STXBP5L: variants seen among roughly 807,000 people sequenced by gnomAD.
STXBP5L encodes the protein syntaxin-binding protein 5-like.
In STXBP5L, 65 loss-of-function variants were observed where a neutral mutation model predicts 144.5. The observed-to-expected ratio is 0.45, with a 90% CI of 0.37 to 0.55. The LOEUF (loss-of-function observed/expected upper bound fraction) is 0.55. Ranked by LOEUF, STXBP5L falls within the 20% of genes least tolerant of loss-of-function variation. The pLI is 0.00. For synonymous variants in STXBP5L, 505 were observed against 469.6 expected (o/e 1.08, Z -0.97); for missense variants, 1,298 against 1,405.5 (o/e 0.92, Z 1.22).
intron 22 of STXBP5L, 70 bp downstream of exon 22, chr3:121,381,602 T>G: frequency 1.0e-5 from 16 of 1,551,794 alleles, no homozygotes; most frequent in Non-Finnish European, 1.4e-5. Context: ...ATTATAAACA[T>G]AAATTTGTAT....
At chr3:121,034,566 ATC>A (rs1946623185) in intron 3 of STXBP5L, among the ~76,000 whole-genome samples, 4 of 151,844 alleles carry the variant, frequency 2.6e-5, no homozygotes, top group African/African-American at 9.7e-5. Context: ...CCATCCATCC[ATC>A]CATCCATCTA....
Position 121,302,447 on chromosome 3 carries a change from A to G in STXBP5L, c.2111-16028A>G, listed in dbSNP as rs535217790. ...ATTCTTTTCTCTTTTCTTCTTTATTAGTCTTGCTAGCGGTCTATCAATATT... is the reference window on the plus strand; with the variant it reads ...ATTCTTTTCTCTTTTCTTCTTTATTGGTCTTGCTAGCGGTCTATCAATATT... On this transcript the variant is annotated intron_variant, in intron 19 of 26. Transcript: ENST00000471454. 2.4e-3 allele frequency among the ~76,000 whole-genome samples: 362 copies of G among 152,076 alleles called. 4 individuals carry two copies. In the Middle Eastern group the frequency reaches 0.031, roughly 13 times the overall value.
At chr3:120,977,563 A>T (rs1176847185) in intron 3 of STXBP5L, among the ~76,000 whole-genome samples, 22 of 152,086 alleles carry the variant, frequency 1.4e-4, no homozygotes, top group Admixed American at 1.4e-3. Flanking sequence ...TAATATTGTT[A>T]TGTGTGAATT....
At chr3:121,324,594 GA>G in intron 20 of STXBP5L, 2 of 676,026 alleles carry the variant, frequency 3.0e-6, no homozygotes, top group Non-Finnish European at 5.3e-6. Context: ...AGGTGAAGAT[GA>G]AAATCTCTTT....
intron 3 of STXBP5L, among the ~76,000 whole-genome samples, chr3:120,992,583 A>C (rs1943010180): frequency 1.3e-5 from 2 of 152,102 alleles, no homozygotes; most frequent in African/African-American, 4.8e-5. Flanking sequence ...GATTTTACTT[A>C]ACATGATGGA....
At chr3:121,206,954 T>A (rs533540230) in intron 10 of STXBP5L, among the ~76,000 whole-genome samples, 33 of 152,222 alleles carry the variant, frequency 2.2e-4, no homozygotes, top group Non-Finnish European at 3.5e-4. Flanking sequence ...TCAAATTAAA[T>A]AATCCTAGTT....
intron 22 of STXBP5L, among the ~76,000 whole-genome samples, chr3:121,387,184 T>C (rs1454046930): frequency 6.6e-6 from 1 of 152,244 alleles, no homozygotes; most frequent in Non-Finnish European, 1.5e-5. Flanking sequence ...CATGTGTCTG[T>C]TGCCTGCATA....
intron 5 of STXBP5L, among the ~76,000 whole-genome samples, chr3:121,111,942 G>T (rs1446979399): frequency 6.6e-6 from 1 of 152,092 alleles, no homozygotes; most frequent in East Asian, 1.9e-4. Flanking sequence ...TGAAATTCCT[G>T]CAGAGAGGCC....
intron 20 of STXBP5L, among the ~76,000 whole-genome samples, chr3:121,324,931 C>A (rs1460361171): frequency 6.6e-6 from 1 of 151,860 alleles, no homozygotes; most frequent in Non-Finnish European, 1.5e-5. Flanking sequence ...ATCTTAAGAT[C>A]CAAACAATAG....
intron 7 of STXBP5L, among the ~76,000 whole-genome samples, chr3:121,129,282 A>G (rs1559778808): frequency 6.6e-6 from 1 of 152,054 alleles, no homozygotes; most frequent in Non-Finnish European, 1.5e-5. Flanking sequence ...ATCTCCTGAA[A>G]CTGTCTTCCT....
chr3:121,201,841 C>T (rs2048151359), intron 9 of STXBP5L, among the ~76,000 whole-genome samples: 1 of 151,930 alleles, frequency 6.6e-6, no homozygotes, highest in Admixed American at 6.6e-5. Flanking sequence ...GAATATTGGC[C>T]CCCTCCTGGG....
chr3:121,339,537 A>C (rs571353352), intron 20 of STXBP5L, among the ~76,000 whole-genome samples: 3 of 152,184 alleles, frequency 2.0e-5, no homozygotes, highest in Non-Finnish European at 4.4e-5. Flanking sequence ...ACTTCTATTC[A>C]ATATAGTACT....
rs183689842 is a variant in STXBP5L at position 120,919,118 on chromosome 3, T to A, written c.189+9351T>A. 2.6e-5 allele frequency among the ~76,000 whole-genome samples: 4 copies of A among 152,214 alleles called. No individual in the cohort carries two copies. The East Asian group carries it at 7.7e-4, about 29-fold the overall frequency. ...GAAAAGTGTCATAAAAGACACAGTA[T>A]GTGTCAAAGTGAATAAAAGTGAGGT... On this transcript the variant is annotated intron_variant, in intron 2 of 26. Coordinates refer to ENST00000471454, the MANE Select transcript of STXBP5L (RefSeq NM_001308330.2).
intron 9 of STXBP5L, among the ~76,000 whole-genome samples, chr3:121,160,239 T>C (rs2046272070): frequency 6.6e-6 from 1 of 152,166 alleles, no homozygotes; most frequent in Non-Finnish European, 1.5e-5. Flanking sequence ...AAGTGCACGC[T>C]TCTCAGTTTA....
chr3:121,286,305 C>T (rs140555528), intron 19 of STXBP5L, among the ~76,000 whole-genome samples: 464 of 151,744 alleles, frequency 3.1e-3, no homozygotes, highest in Non-Finnish European at 4.9e-3. Flanking sequence ...TATTGTAAAA[C>T]GAACAGAAAG....
At chr3:121,218,065 C>G (rs1172766919) in intron 10 of STXBP5L, among the ~76,000 whole-genome samples, 1 of 139,376 alleles carries the variant, frequency 7.2e-6, no homozygotes, top group Non-Finnish European at 1.5e-5. Flanking sequence ...TATATATACA[C>G]TATATACAGT....
chr3:121,059,569 A>G (rs993036827), intron 5 of STXBP5L, among the ~76,000 whole-genome samples: 9 of 152,116 alleles, frequency 5.9e-5, no homozygotes, highest in Non-Finnish European at 1.3e-4. Flanking sequence ...TTTGGTCAGT[A>G]TGGCCATTTT....
intron 18 of STXBP5L, among the ~76,000 whole-genome samples, chr3:121,262,332 A>G (rs1353534177): frequency 6.6e-6 from 1 of 152,218 alleles, no homozygotes. Context: ...TCAAAGTCTC[A>G]TCAAAATATC....
intron 3 of STXBP5L, among the ~76,000 whole-genome samples, chr3:120,975,101 G>A (rs987645232): frequency 6.6e-6 from 1 of 152,142 alleles, no homozygotes; most frequent in Non-Finnish European, 1.5e-5. Context: ...TAGTTTGATG[G>A]GGATGGCATT....
Sources: allele counts gnomAD v4.1 joint callset (sites outside exome capture counted in the v4.1 genomes callset), GRCh38; gene constraint gnomAD v4.1.1; transcripts MANE v1.5; gene names NCBI Gene and HGNC (gene_info 2026-07-23, HGNC 2026-07-21).